Variants in UBE2V2 observed in about 807,000 individuals in gnomAD.
UBE2V2 encodes ubiquitin conjugating enzyme E2 V2, also known as ubiquitin-conjugating enzyme E2 variant 2.
In UBE2V2, 9 loss-of-function variants were observed where a neutral mutation model predicts 17.2. The observed-to-expected ratio is 0.52, with a 90% CI of 0.32 to 0.91. UBE2V2 has a LOEUF of 0.91. UBE2V2 is among the 40% of genes least tolerant of loss of function. The pLI, the probability that UBE2V2 is intolerant of heterozygous loss-of-function variation, is 0.04. For synonymous variants in UBE2V2, 61 were observed against 57.5 expected (o/e 1.06, Z -0.28); for missense variants, 133 against 182.6 (o/e 0.73, Z 1.56).
At chr8:48,011,277 C>T (rs1373603139) in intron 1 of UBE2V2, among the ~76,000 whole-genome samples, 1 of 151,898 alleles carries the variant, frequency 6.6e-6, no homozygotes, top group Non-Finnish European at 1.5e-5. Context: ...AAGCAATTCT[C>T]CTGCCTCAGC....
At chr8:48,031,819 G>A (rs778352664) in intron 1 of UBE2V2, among the ~76,000 whole-genome samples, 19 of 152,028 alleles carry the variant, frequency 1.2e-4, no homozygotes, top group Non-Finnish European at 2.6e-4. Flanking sequence ...CTAATTTTTT[G>A]TATTTTTAGT....
At chr8:48,051,301 CAA>C (rs2091535357) in intron 3 of UBE2V2, among the ~76,000 whole-genome samples, 1 of 152,142 alleles carries the variant, frequency 6.6e-6, no homozygotes, top group Non-Finnish European at 1.5e-5. Flanking sequence ...ACGCCACATA[CAA>C]AATACATTTT....
chr8:48,038,696 G>A (rs1330171496), intron 1 of UBE2V2, among the ~76,000 whole-genome samples: 1 of 152,044 alleles, frequency 6.6e-6, no homozygotes, highest in African/African-American at 2.4e-5. Context: ...GGCCAGGCTG[G>A]TCTCGAACTC....
At chr8:48,027,019 CTG>C (rs1215662468) in intron 1 of UBE2V2, among the ~76,000 whole-genome samples, 1 of 152,166 alleles carries the variant, frequency 6.6e-6, no homozygotes, top group East Asian at 1.9e-4. Flanking sequence ...GAGTCTCGCT[CTG>C]TTGCCCAGGC....
the UBE2V2 span, among the ~76,000 whole-genome samples, chr8:47,998,197 C>T: frequency 1.3e-5 from 2 of 151,944 alleles, no homozygotes; most frequent in African/African-American, 2.4e-5. Flanking sequence ...AAAGATAAGC[C>T]TTTTAGGGCA....
At chr8:48,003,667 T>C (rs2091166416), upstream of UBE2V2, among the ~76,000 whole-genome samples, 2 of 152,180 alleles carry the variant, frequency 1.3e-5, no homozygotes, top group Admixed American at 1.3e-4. Flanking sequence ...ATTTTCATGT[T>C]ACAGAGAGAA....
intron 3 of UBE2V2, among the ~76,000 whole-genome samples, chr8:48,050,810 G>A (rs2091531864): frequency 6.6e-6 from 1 of 152,232 alleles, no homozygotes; most frequent in Non-Finnish European, 1.5e-5. Context: ...TATTCATGAA[G>A]GGTTTTTTTC....
intron 1 of UBE2V2, among the ~76,000 whole-genome samples, chr8:48,027,151 C>G (rs908828367): frequency 2.6e-5 from 4 of 151,998 alleles, no homozygotes; most frequent in Admixed American, 2.6e-4. Context: ...CAAGCCTGCG[C>G]TACCATGCCT....
intron 1 of UBE2V2, among the ~76,000 whole-genome samples, chr8:48,019,485 C>T (rs1018579316): frequency 4.7e-5 from 7 of 150,104 alleles, no homozygotes; most frequent in African/African-American, 7.4e-5. Flanking sequence ...GCCTTGATTG[C>T]GCCACTGCCC....
rs1253708634 is a variant in UBE2V2 at position 48,046,465 on chromosome 8, C to T, written c.165+3284C>T. On this transcript the variant is annotated intron_variant, in intron 2 of 3. Coordinates refer to ENST00000523111, the MANE Select transcript of UBE2V2 (RefSeq NM_003350.3). ...ACAGGGTTTCTCCATGTTGCTCAGG[C>T]TGGTCTCAGACTCCCGACCTCAGAT... is the stretch of plus-strand genomic sequence containing the variant. Among the ~76,000 whole-genome samples the T allele has an allele frequency of 2.0e-5, 3 of 152,278 alleles. No individual in the cohort carries two copies. The East Asian group carries it at 5.8e-4, about 29-fold the overall frequency.
upstream of UBE2V2, among the ~76,000 whole-genome samples, chr8:48,005,651 C>T (rs1035775282): frequency 5.9e-5 from 9 of 152,198 alleles, no homozygotes; most frequent in African/African-American, 1.9e-4. Flanking sequence ...TAAAAGCATT[C>T]CTATTTCTCC....
intron 3 of UBE2V2, among the ~76,000 whole-genome samples, 161 bp from the exon 4 acceptor site, chr8:48,060,521 A>C (rs994881696): frequency 2.0e-5 from 3 of 152,196 alleles, no homozygotes; most frequent in African/African-American, 7.2e-5. Context: ...ATTATGATAA[A>C]ATATACTAAT....
At chr8:48,015,643 C>A (rs2091263342) in intron 1 of UBE2V2, among the ~76,000 whole-genome samples, 1 of 152,114 alleles carries the variant, frequency 6.6e-6, no homozygotes, top group Non-Finnish European at 1.5e-5. Flanking sequence ...CAATCCCCAC[C>A]CCCGTAACCC....
chr8:48,003,188 C>T, the UBE2V2 span, among the ~76,000 whole-genome samples: 780 of 139,334 alleles, frequency 5.6e-3, 12 homozygotes, highest in African/African-American at 0.02. Flanking sequence ...ACAGCCTGGG[C>T]GACAGAGCAA....
At chr8:48,005,745 T>C (rs1420575420), upstream of UBE2V2, among the ~76,000 whole-genome samples, 1 of 152,262 alleles carries the variant, frequency 6.6e-6, no homozygotes, top group Non-Finnish European at 1.5e-5. Context: ...ATTGTGGTTT[T>C]GATTTGCATT....
the UBE2V2 span, among the ~76,000 whole-genome samples, chr8:48,000,965 G>A: frequency 6.6e-6 from 1 of 151,986 alleles, no homozygotes. Context: ...GACGACTTGA[G>A]GCCTTGTGGA....
rs1802586705 is a variant in UBE2V2 at position 48,061,199 on chromosome 8, T to A, written c.*371T>A. The A allele has an allele frequency of 6.4e-6, 1 of 155,278 alleles. No homozygotes were observed. Among genetic ancestry groups the A allele is most frequent in the Admixed American group, 6.5e-5 (1 of 15,350 alleles). 9.6% of individuals were successfully genotyped at this position (155,278 alleles called of 1,614,324 possible). ...CAGAAATGGCATGCTTTACCCATCT[T>A]ACTTAGTGAAAGAGAGCTGCAGTTG... On this transcript the variant is annotated 3_prime_UTR_variant, in exon 4 of 4. Coordinates refer to ENST00000523111, the MANE Select transcript of UBE2V2 (RefSeq NM_003350.3).
intron 1 of UBE2V2, 138 bp downstream of exon 1, chr8:48,008,608 T>G: frequency 7.6e-7 from 1 of 1,310,024 alleles, no homozygotes; most frequent in Non-Finnish European, 1.0e-6. Flanking sequence ...CCGCAGAGCG[T>G]AGCCTGGGAC....
At chr8:48,000,959 ACTTGAGGC>A in the UBE2V2 span, among the ~76,000 whole-genome samples, 27 of 152,102 alleles carry the variant, frequency 1.8e-4, no homozygotes, top group Admixed American at 1.6e-3. Context: ...TGCATTGACG[ACTTGAGGC>A]CTTGTGGACC....
Sources: allele counts gnomAD v4.1 joint callset (sites outside exome capture counted in the v4.1 genomes callset), GRCh38; gene constraint gnomAD v4.1.1; transcripts MANE v1.5; gene names NCBI Gene and HGNC (gene_info 2026-07-23, HGNC 2026-07-21).